NPAS3: variants seen among roughly 807,000 people sequenced by gnomAD.
NPAS3 encodes the protein neuronal PAS domain-containing protein 3.
A neutral mutation model predicts 73.1 loss-of-function variants in NPAS3; 14 were observed. The ratio of observed to expected loss-of-function variants is 0.19; its 90% CI spans 0.13 to 0.30. The LOEUF is 0.30. Among genes scored for constraint, NPAS3 ranks in the 10% least tolerant of loss-of-function variants. NPAS3 has a pLI of 1.00. For synonymous variants in NPAS3, 620 were observed against 541.5 expected, an observed-to-expected ratio of 1.14 and a Z score of -2.01; for missense variants, 1,096 against 1,250.0, an observed-to-expected ratio of 0.88 and a Z score of 1.86.
intron 1 of NPAS3, among the ~76,000 whole-genome samples, chr14:32,942,861 C>T (rs1480471365): frequency 6.6e-6 from 1 of 152,068 alleles, no homozygotes; most frequent in African/African-American, 2.4e-5. Flanking sequence ...TATCACAAGG[C>T]CAAGGGTCTA....
At chr14:33,137,957 G>C (rs1595528237) in intron 2 of NPAS3, among the ~76,000 whole-genome samples, 1 of 152,030 alleles carries the variant, frequency 6.6e-6, no homozygotes, top group Non-Finnish European at 1.5e-5. Flanking sequence ...TAGGTGTGGA[G>C]GGTTTTTAAA....
chr14:33,115,796 A>G (rs1390450219), intron 2 of NPAS3, among the ~76,000 whole-genome samples: 1 of 152,144 alleles, frequency 6.6e-6, no homozygotes, highest in Non-Finnish European at 1.5e-5. Flanking sequence ...AGAAAAACAC[A>G]TGTGGAAAAT....
At chr14:33,125,319 A>C (rs1021794557) in intron 2 of NPAS3, among the ~76,000 whole-genome samples, 2 of 152,136 alleles carry the variant, frequency 1.3e-5, no homozygotes, top group African/African-American at 4.8e-5. Context: ...ATTTATGGGC[A>C]ATAGAAAAGA....
At chr14:33,534,217 T>TAAAAAAAA (rs5807733) in intron 4 of NPAS3, among the ~76,000 whole-genome samples, 1 of 138,396 alleles carries the variant, frequency 7.2e-6, no homozygotes, top group Non-Finnish European at 1.6e-5. Context: ...CACAGAGCAG[T>TAAAAAAAA]AAAAAAAAAA....
At chr14:33,349,283 ATGGAAATAGAG>A (rs2044906467) in intron 3 of NPAS3, among the ~76,000 whole-genome samples, 2 of 152,366 alleles carry the variant, frequency 1.3e-5, no homozygotes, top group African/African-American at 4.8e-5. Flanking sequence ...TCGTCCAGAA[ATGGAAATAGAG>A]GGGTAGGTCC....
intron 5 of NPAS3, among the ~76,000 whole-genome samples, chr14:33,633,025 C>T (rs924638632): frequency 3.9e-5 from 6 of 151,962 alleles, no homozygotes; most frequent in Non-Finnish European, 5.9e-5. Context: ...AAAAAAATCC[C>T]GTAACAATAA....
At chr14:33,569,188 AC>A (rs1347982920) in intron 5 of NPAS3, among the ~76,000 whole-genome samples, 1 of 152,182 alleles carries the variant, frequency 6.6e-6, no homozygotes, top group African/African-American at 2.4e-5. Flanking sequence ...CAAATTCACC[AC>A]ATTCAATAAT....
At chr14:33,387,061 A>G (rs2046803260) in intron 4 of NPAS3, among the ~76,000 whole-genome samples, 1 of 152,176 alleles carries the variant, frequency 6.6e-6, no homozygotes, top group Non-Finnish European at 1.5e-5. Flanking sequence ...CATTGAAATG[A>G]AGGAACCCAC....
chr14:33,361,433 T>G (rs189720929), intron 3 of NPAS3, among the ~76,000 whole-genome samples: 1 of 152,306 alleles, frequency 6.6e-6, no homozygotes, highest in East Asian at 1.9e-4. Context: ...AATTAGACAT[T>G]GTATGTTTTC....
At chr14:33,132,575 G>A (rs190790540) in intron 2 of NPAS3, among the ~76,000 whole-genome samples, 3 of 152,202 alleles carry the variant, frequency 2.0e-5, no homozygotes, top group Non-Finnish European at 2.9e-5. Context: ...CTATAAGCAC[G>A]TAGATGGATC....
intron 5 of NPAS3, among the ~76,000 whole-genome samples, chr14:33,576,157 T>C (rs1381199639): frequency 6.6e-6 from 1 of 152,204 alleles, no homozygotes; most frequent in Admixed American, 6.5e-5. Context: ...GAGGTTATAA[T>C]GTGTGGGATG....
intron 7 of NPAS3, among the ~76,000 whole-genome samples, chr14:33,773,130 G>A (rs1427642544): frequency 6.6e-6 from 1 of 152,200 alleles, no homozygotes; most frequent in Non-Finnish European, 1.5e-5. Flanking sequence ...GAGCCCCTGG[G>A]AAGGAGAGCA....
chr14:33,238,190 C>T (rs2048102137), intron 3 of NPAS3, among the ~76,000 whole-genome samples: 1 of 151,928 alleles, frequency 6.6e-6, no homozygotes, highest in Admixed American at 6.6e-5. Flanking sequence ...AGATCGTAAA[C>T]ATATTACCTG....
intron 3 of NPAS3, among the ~76,000 whole-genome samples, chr14:33,364,148 G>C (rs945544784): frequency 6.6e-6 from 1 of 152,154 alleles, no homozygotes; most frequent in African/African-American, 2.4e-5. Flanking sequence ...AGAAATCTGA[G>C]AGAGCTTCAT....
At chr14:33,122,245 A>G (rs1259897438) in intron 2 of NPAS3, among the ~76,000 whole-genome samples, 1 of 152,124 alleles carries the variant, frequency 6.6e-6, no homozygotes, top group Non-Finnish European at 1.5e-5. Context: ...AGGTTGAATG[A>G]ATTGTGGAAT....
intron 6 of NPAS3, among the ~76,000 whole-genome samples, chr14:33,707,336 CTTCT>C (rs141535399): frequency 0.23 from 33,731 of 148,382 alleles, 4,254 homozygotes; most frequent in Admixed American, 0.4. Context: ...GTTTCTTTTT[CTTCT>C]TTTTTTTTTT....
chr14:33,122,708 A>G (rs1290203), intron 2 of NPAS3, among the ~76,000 whole-genome samples: 64,054 of 151,820 alleles, frequency 0.42, 14,716 homozygotes, highest in Admixed American at 0.6. Context: ...TACAGGTTTC[A>G]CTCTTAACAC....
intron 3 of NPAS3, among the ~76,000 whole-genome samples, chr14:33,292,197 T>G (rs1490768039): frequency 3.3e-5 from 5 of 152,204 alleles, no homozygotes; most frequent in African/African-American, 1.2e-4. Flanking sequence ...AGCATTGCAG[T>G]TAACAGTAAA....
chr14:33,297,313 A>G, intron 3 of NPAS3, among the ~76,000 whole-genome samples: 1 of 152,302 alleles, frequency 6.6e-6, no homozygotes, highest in African/African-American at 2.4e-5. Flanking sequence ...AAACATTTAG[A>G]TTTATGCTAT....
Sources: gnomAD v4.1 joint callset for allele counts (sites outside exome capture counted in the v4.1 genomes callset) on GRCh38, gnomAD v4.1.1 for gene constraint, MANE v1.5 for transcripts, NCBI Gene and HGNC (gene_info 2026-07-23, HGNC 2026-07-21) for gene names.